The following FLYWCH1 variants were observed in gnomAD, a reference collection of about 807,000 sequenced individuals.
FLYWCH1 encodes FLYWCH-type zinc finger-containing protein 1.
Under a neutral mutation model 66.4 loss-of-function variants are expected in FLYWCH1, and 75 were observed. The observed-to-expected ratio is 1.13, with a 90% CI of 0.94 to 1.37. The LOEUF is 1.37. FLYWCH1 is among the 40% of genes most tolerant of loss of function. The pLI is 0.00. For synonymous variants in FLYWCH1, 595 were observed against 429.9 expected, an observed-to-expected ratio of 1.38 and a Z score of -4.75; for missense variants, 1,334 against 1,001.8, an observed-to-expected ratio of 1.33 and a Z score of -4.48.
chr16:2,950,991 G>C lies in FLYWCH1; in HGVS notation c.*2264G>C, dbSNP rs2071647782. ...TCGCCTGCCCAGTCACTGTCACAGAGTTAAAGCGTGCGGGTGAACGCTGGC... is the reference window on the plus strand; with the variant it reads ...TCGCCTGCCCAGTCACTGTCACAGACTTAAAGCGTGCGGGTGAACGCTGGC... On this transcript the variant is annotated 3_prime_UTR_variant, in exon 10 of 10. Transcript: ENST00000253928. 1 of 152,414 alleles carries C rather than the reference G, an allele frequency of 6.6e-6. No individual in the cohort carries two copies. The highest frequency in any genetic ancestry group is 6.5e-5 in the Admixed American group (1 of 15,310). 9.4% of individuals were successfully genotyped at this position (152,414 alleles called of 1,614,324 possible). A position where few individuals can be genotyped will look rare whatever the true frequency, so the allele number is the denominator to read the frequency against.
At chr16:2,929,218 C>T (rs945168154) in intron 2 of FLYWCH1, among the ~76,000 whole-genome samples, 1 of 152,172 alleles carries the variant, frequency 6.6e-6, no homozygotes, top group African/African-American at 2.4e-5. Context: ...GGTGTCTGTG[C>T]CTCACTATCC....
At chr16:2,936,761 G>GTCCTTCCTCT (rs1173223098) in intron 6 of FLYWCH1, 2 of 496,040 alleles carry the variant, frequency 4.0e-6, no homozygotes, top group South Asian at 3.1e-5. Context: ...GTCCCCAGAG[G>GTCCTTCCTCT]GCCCCGGGTC....
intron 9 of FLYWCH1, among the ~76,000 whole-genome samples, chr16:2,942,591 A>G (rs1366321069): frequency 1.3e-5 from 2 of 148,154 alleles, no homozygotes; most frequent in Admixed American, 6.8e-5. Context: ...ATTATATACC[A>G]TGACCAAGTA....
chr16:2,933,558 C>T lies in FLYWCH1; in HGVS notation c.1225C>T (p.His409Tyr), dbSNP rs780164819. ...AACCCAGCCCGAGGCCCCAGACGAG[C>T]ACCAGGACATGGACGCAGACCCGGG... The part of the protein sequence containing the change: ...LPTQPEAPDE[H>Y]QDMDADPGGP... The change falls in exon 5 of 10, where the codon CAC becomes TAC. Residue 409 changes from histidine to tyrosine, a missense_variant. Physicochemically the swap from His to Tyr is moderately conservative, Grantham distance 83. Transcript: ENST00000253928. 2 of 1,602,644 alleles carry T rather than the reference C, an allele frequency of 1.2e-6. No individual in the cohort carries two copies. Among genetic ancestry groups the T allele is most frequent in the South Asian group, 2.2e-5 (2 of 89,630 alleles).
At position 2,929,721 on chromosome 16, in the gene FLYWCH1, G is replaced by C. The variant is rs751520471; in HGVS notation, c.36G>C (p.Glu12Asp). The C allele has an allele frequency of 1.9e-6, 3 of 1,613,238 alleles. No homozygotes were observed. The South Asian group carries it at 3.3e-5, about 18-fold the overall frequency. The change falls in exon 3 of 10, where the codon GAG becomes GAC. Residue 12 changes from glutamate to aspartate, a missense_variant. By Grantham distance (45) the Glu-to-Asp change is conservative. Coordinates refer to ENST00000253928, the MANE Select transcript of FLYWCH1 (RefSeq NM_001308068.2). ...PLPEPSEQEG[E>D]SVKAGQEPSP... Reference sequence around the variant, plus strand: ...CCGAGCCCAGCGAGCAGGAGGGCGAGAGTGTGAAGGCCGGCCAGGAGCCAT... The same window carrying C: ...CCGAGCCCAGCGAGCAGGAGGGCGACAGTGTGAAGGCCGGCCAGGAGCCAT...
At chr16:2,933,674 AGCCCCT>A (rs1367589613) in intron 5 of FLYWCH1, 36 bp from the exon 6 acceptor site, 1 of 1,590,862 alleles carries the variant, frequency 6.3e-7, no homozygotes, top group South Asian at 1.1e-5. Flanking sequence ...AGGCCTACCC[AGCCCCT>A]GTCCCCTCCC....
intron 9 of FLYWCH1, among the ~76,000 whole-genome samples, chr16:2,942,651 A>ACG (rs2071315867): frequency 6.6e-6 from 1 of 151,158 alleles, no homozygotes; most frequent in Non-Finnish European, 1.5e-5. Context: ...AATGTAACAC[A>ACG]GCAGGCCTGA....
chr16:2,915,298 A>T (rs1186981783), intron 2 of FLYWCH1: 2 of 151,950 alleles, frequency 1.3e-5, no homozygotes, highest in African/African-American at 4.8e-5. Context: ...ACCACGACCG[A>T]CTAATTTTTT....
In FLYWCH1 at chr16:2,949,000, C is replaced by T; in HGVS notation, c.*273C>T. Reference sequence around the variant, plus strand: ...CCTTCCTGACCTTTGGAAGACATGACAAAGCTGCCTGGACACGGACGCCCC... The same window carrying T: ...CCTTCCTGACCTTTGGAAGACATGATAAAGCTGCCTGGACACGGACGCCCC... On this transcript the variant is annotated 3_prime_UTR_variant, in exon 10 of 10. Coordinates refer to ENST00000253928, the MANE Select transcript of FLYWCH1 (RefSeq NM_001308068.2). 1 of 490,192 alleles carries T rather than the reference C, an allele frequency of 2.0e-6. No homozygotes were observed. The highest frequency in any genetic ancestry group is 3.7e-6 in the Non-Finnish European group (1 of 267,186). The allele number at this position is 490,192 out of a possible 1,614,324, so 30.4% of individuals were successfully genotyped here.
chr16:2,932,889 G>A lies in FLYWCH1; in HGVS notation c.797-241G>A, dbSNP rs371719025. Among the ~76,000 whole-genome samples the A allele has an allele frequency of 6.6e-5, 10 of 151,628 alleles. No homozygotes were observed. The East Asian group carries it at 1.8e-3, about 27-fold the overall frequency. ...CTCCTCTGGGTCACTCGGTGGTAGG[G>A]GTGAGCTGGGGTGGCCTCACTGACC... On this transcript the variant is annotated intron_variant, in intron 4 of 9. Transcript: ENST00000253928.
chr16:2,920,838 G>GC (rs2070345782), intron 2 of FLYWCH1, among the ~76,000 whole-genome samples: 1 of 122,912 alleles, frequency 8.1e-6, no homozygotes, highest in East Asian at 2.6e-4. Flanking sequence ...ACAACGCCTG[G>GC]CCTTTTTTTT....
chr16:2,923,071 A>G (rs942921586), intron 2 of FLYWCH1: 2 of 407,286 alleles, frequency 4.9e-6, no homozygotes, highest in Non-Finnish European at 9.4e-6. Flanking sequence ...GTGCGGATCT[A>G]TTTTTTTTAT....
chr16:2,922,177 C>G (rs11647649), intron 2 of FLYWCH1, among the ~76,000 whole-genome samples: 5,772 of 152,228 alleles, frequency 0.038, 170 homozygotes, highest in Middle Eastern at 0.095. Context: ...AGCTTATTCA[C>G]TGATAATGTT....
chr16:2,912,272 G>T (rs1005064796), intron 1 of FLYWCH1, 118 bp downstream of exon 1: 3 of 152,310 alleles, frequency 2.0e-5, no homozygotes, highest in Non-Finnish European at 4.4e-5. Flanking sequence ...TCTGCGTCCC[G>T]GCGCTCAGGC....
intron 8 of FLYWCH1, 119 bp from the exon 9 acceptor site, chr16:2,939,912 AC>A: frequency 8.4e-7 from 1 of 1,192,350 alleles, no homozygotes; most frequent in Non-Finnish European, 1.1e-6. Flanking sequence ...GCGTTGCTTC[AC>A]CCGGTTGTCT....
intron 9 of FLYWCH1, among the ~76,000 whole-genome samples, chr16:2,943,058 A>G (rs923213463): frequency 8.5e-5 from 13 of 152,150 alleles, no homozygotes; most frequent in African/African-American, 2.4e-4. Flanking sequence ...ACTATCCCCA[A>G]ATAACAACTG....
Position 2,937,142 on chromosome 16 carries a change from C to A in FLYWCH1, c.1535C>A (p.Thr512Lys). 1 of 1,010,202 alleles carries A rather than the reference C, an allele frequency of 9.9e-7. No individual in the cohort carries two copies. The highest frequency in any genetic ancestry group is 1.3e-6 in the Non-Finnish European group (1 of 786,178). 62.6% of individuals were successfully genotyped at this position (1,010,202 alleles called of 1,614,324 possible). A position where few individuals can be genotyped will look rare whatever the true frequency, so the allele number is the denominator to read the frequency against. ...GSPGGPEFLK[T>K]PLGGSFLVYE... is the part of the protein sequence containing the mutation. ...ACAGGAGGCCCCGAGTTCCTGAAGA[C>A]GCCCCTGGGGGGCAGCTTCCTGGTG... The change falls in exon 7 of 10, where the codon ACG (threonine) becomes AAG (lysine). Residue 512 changes from threonine (T) to lysine (K), a missense_variant. Thr to Lys is a moderately conservative substitution (Grantham distance 78). Coordinates refer to ENST00000253928, the MANE Select transcript of FLYWCH1 (RefSeq NM_001308068.2).
At chr16:2,945,572 T>C (rs2071445117) in intron 9 of FLYWCH1, among the ~76,000 whole-genome samples, 6 of 146,574 alleles carry the variant, frequency 4.1e-5, no homozygotes, top group Admixed American at 3.4e-4. Flanking sequence ...TGCAGTGCAC[T>C]GAGATCGTGG....
intron 4 of FLYWCH1, 22 bp from the exon 5 acceptor site, chr16:2,933,108 A>G: frequency 6.2e-7 from 1 of 1,601,506 alleles, no homozygotes; most frequent in Non-Finnish European, 8.5e-7. Flanking sequence ...TGGTGATGTG[A>G]CCACTTGGGT....
Sources: gnomAD v4.1 joint callset for allele counts (sites outside exome capture counted in the v4.1 genomes callset) on GRCh38, gnomAD v4.1.1 for gene constraint, MANE v1.5 for transcripts, NCBI Gene and HGNC (gene_info 2026-07-23, HGNC 2026-07-21) for gene names.